The following ZNF500 variants were observed in gnomAD, a reference collection of about 807,000 sequenced individuals.
ZNF500 encodes the protein zinc finger protein with KRAB and SCAN domains 18.
In ZNF500, 31 loss-of-function variants were observed where a neutral mutation model predicts 30.1. The ratio of observed to expected loss-of-function variants is 1.03; its 90% confidence interval spans 0.77 to 1.39. ZNF500 has a LOEUF of 1.39. ZNF500 is among the 40% of genes most tolerant of loss of function. The probability of loss-of-function intolerance (pLI) is 0.00; values close to 1 mark genes in which losing one functional copy is unlikely to be tolerated. For missense variants in ZNF500, 817 were observed against 657.8 expected (o/e 1.24, Z -2.65); for synonymous variants, 392 against 282.0 (o/e 1.39, Z -3.91).
chr16:4,755,395 T>C (rs1041105761), intron 5 of ZNF500, among the ~76,000 whole-genome samples: 3 of 152,178 alleles, frequency 2.0e-5, no homozygotes, highest in Non-Finnish European at 4.4e-5. Context: ...CCGCTCACTG[T>C]AACCTCTGCC....
Position 4,752,897 on chromosome 16 carries a change from T to C in ZNF500, c.922A>G (p.Arg308Gly), listed in dbSNP as rs2082099728. 6.2e-7 allele frequency: 1 copy of C among 1,614,048 alleles called. No individual in the cohort carries two copies. The highest frequency in any genetic ancestry group is 8.5e-7 in the Non-Finnish European group (1 of 1,180,030). Reference sequence around the variant, plus strand: ...CGTCTTCCTGGTGGGGGGCCGCCTCTTGGCTGATCAGGCCTGACCAAGCCC... The same window carrying C: ...CGTCTTCCTGGTGGGGGGCCGCCTCCTGGCTGATCAGGCCTGACCAAGCCC... Reference protein sequence around the residue: ...VRGLVRPDQPRGGPPPGRRAS... With the variant: ...VRGLVRPDQPGGGPPPGRRAS... Residue 308 changes from arginine to glycine, a missense_variant, in exon 6 of 6, where the codon AGA (arginine) becomes GGA (glycine). By Grantham distance (125) the Arg-to-Gly change is moderately radical (BLOSUM62 -2). Coordinates refer to ENST00000219478, the MANE Select transcript of ZNF500 (RefSeq NM_021646.4).
At position 4,751,844 on chromosome 16, in the gene ZNF500, G is replaced by A. The variant is rs540813270; in HGVS notation, c.*532C>T. ...GAACACTTGAGCCCAGGGATTCGAGGCTGCAGTGAGCTATGATCATGGCAC... is the reference window on the plus strand; with the variant it reads ...GAACACTTGAGCCCAGGGATTCGAGACTGCAGTGAGCTATGATCATGGCAC... On this transcript the variant is annotated 3_prime_UTR_variant, in exon 6 of 6. Coordinates refer to ENST00000219478, the MANE Select transcript of ZNF500 (RefSeq NM_021646.4). 1,388 of 527,034 alleles carry A rather than the reference G, an allele frequency of 2.6e-3. 22 individuals are homozygous for A. The highest frequency in any genetic ancestry group is 0.013 in the Middle Eastern group (23 of 1,800). 32.6% of individuals were successfully genotyped at this position (527,034 alleles called of 1,614,324 possible). A position where few individuals can be genotyped will look rare whatever the true frequency, so the allele number is the denominator to read the frequency against.
intron 4 of ZNF500, 48 bp from the exon 5 acceptor site, chr16:4,760,636 C>T (rs747548649): frequency 1.3e-6 from 2 of 1,562,106 alleles, no homozygotes; most frequent in Non-Finnish European, 8.8e-7. Flanking sequence ...AAGCTGCCTC[C>T]TCCCCAACTA....
intron 4 of ZNF500, 52 bp from the exon 5 acceptor site, chr16:4,760,640 C>T (rs748931849): frequency 6.5e-7 from 1 of 1,532,800 alleles, no homozygotes; most frequent in Non-Finnish European, 9.0e-7. Flanking sequence ...TGCCTCCTCC[C>T]CAACTAAGGC....
In ZNF500 at chr16:4,751,290, G is replaced by C. The variant is rs1426799757; in HGVS notation, c.*1086C>G. On this transcript the variant is annotated 3_prime_UTR_variant, in exon 6 of 6. Transcript: ENST00000219478. ...GCCAGACAAAAGCTGGAAGGTGAAG[G>C]CTTCTTACCTTAGAAAGACAAAGTG... 1 of 387,638 alleles carries C rather than the reference G, an allele frequency of 2.6e-6. No homozygotes were observed. The highest frequency in any genetic ancestry group is 4.7e-6 in the Non-Finnish European group (1 of 211,674). 24.0% of individuals were successfully genotyped at this position (387,638 alleles called of 1,614,324 possible). A position where few individuals can be genotyped will look rare whatever the true frequency, so the allele number is the denominator to read the frequency against.
intron 5 of ZNF500, among the ~76,000 whole-genome samples, chr16:4,756,103 G>A (rs73511091): frequency 0.02 from 3,096 of 152,290 alleles, 115 homozygotes; most frequent in African/African-American, 0.071. Context: ...GCATGATAAA[G>A]AATGTTTTTG....
chr16:4,763,375 G>C (rs2082228715), intron 2 of ZNF500, among the ~76,000 whole-genome samples: 3 of 150,970 alleles, frequency 2.0e-5, no homozygotes, highest in Admixed American at 2.0e-4. Context: ...CTCCAGCCTG[G>C]GCAAAAGAGC....
In ZNF500 at chr16:4,751,758, A is replaced by T. The variant is rs972493693; in HGVS notation, c.*618T>A. The T allele has an allele frequency of 3.0e-6, 3 of 986,870 alleles. No homozygotes were observed. Among genetic ancestry groups the T allele is most frequent in the Non-Finnish European group, 4.6e-6 (3 of 652,766 alleles). 61.1% of individuals were successfully genotyped at this position (986,870 alleles called of 1,614,324 possible). The stretch of plus-strand genomic sequence containing the variant: ...CAGTGAGTGGTGGCCCTACCAAAAA[A>T]GAGACTGGGCATGGCGGCACACACC... On this transcript the variant is annotated 3_prime_UTR_variant, in exon 6 of 6. Transcript: ENST00000219478.
At chr16:4,753,159 C>A in intron 5 of ZNF500, 101 bp from the exon 6 acceptor site, 2 of 1,451,306 alleles carry the variant, frequency 1.4e-6, no homozygotes, top group East Asian at 2.4e-5. Flanking sequence ...CTAAGGTTCC[C>A]CTACAAAACA....
intron 5 of ZNF500, among the ~76,000 whole-genome samples, chr16:4,759,036 C>T (rs1164208128): frequency 1.3e-5 from 2 of 151,856 alleles, no homozygotes; most frequent in South Asian, 2.1e-4. Flanking sequence ...ATGGCAAAAC[C>T]CAGCTCTACT....
In ZNF500 at chr16:4,752,270, G is replaced by A. The variant is rs2082087953; in HGVS notation, c.*106C>T. ...CTGCTGGCCTCATACTGGGCCATGG[G>A]AGGAAACGGGCAGCTGGCAATGCTT... On this transcript the variant is annotated 3_prime_UTR_variant, in exon 6 of 6. Coordinates refer to ENST00000219478, the MANE Select transcript of ZNF500 (RefSeq NM_021646.4). The A allele has an allele frequency of 7.0e-7, 1 of 1,430,182 alleles. No homozygotes were observed. The highest frequency in any genetic ancestry group is 1.4e-5 in the African/African-American group (1 of 69,714). 88.6% of individuals were successfully genotyped at this position (1,430,182 alleles called of 1,614,324 possible).
At chr16:4,764,826 C>G (rs986874615) in intron 2 of ZNF500, among the ~76,000 whole-genome samples, 3 of 151,306 alleles carry the variant, frequency 2.0e-5, no homozygotes, top group African/African-American at 7.3e-5. Context: ...ATGTACATAG[C>G]TATAATTTAA....
intron 5 of ZNF500, among the ~76,000 whole-genome samples, chr16:4,760,272 CAGA>C (rs1231533170): frequency 1.3e-5 from 2 of 152,044 alleles, no homozygotes; most frequent in Non-Finnish European, 2.9e-5. Flanking sequence ...GGGGCAGAGG[CAGA>C]AGAACAGGAT....
intron 5 of ZNF500, among the ~76,000 whole-genome samples, chr16:4,757,651 G>A (rs146049209): frequency 0.02 from 3,029 of 152,072 alleles, 46 homozygotes; most frequent in Non-Finnish European, 0.031. Context: ...TGCCCAGACT[G>A]GAGTGCAGTG....
chr16:4,758,826 C>T (rs1456450178), intron 5 of ZNF500, among the ~76,000 whole-genome samples: 1 of 152,142 alleles, frequency 6.6e-6, no homozygotes, highest in African/African-American at 2.4e-5. Context: ...AAGAAAAAAA[C>T]GATCAACTGG....
At chr16:4,759,898 G>T (rs1046659049) in intron 5 of ZNF500, among the ~76,000 whole-genome samples, 4 of 152,196 alleles carry the variant, frequency 2.6e-5, no homozygotes, top group African/African-American at 9.7e-5. Flanking sequence ...AATTAGCCAG[G>T]CATGATGGCG....
At chr16:4,758,656 T>A (rs1446994494) in intron 5 of ZNF500, 2 of 151,958 alleles carry the variant, frequency 1.3e-5, no homozygotes, top group African/African-American at 4.8e-5. Context: ...AACCCCAGGG[T>A]CGTGACAACC....
At chr16:4,753,736 C>A (rs568778797) in intron 5 of ZNF500, among the ~76,000 whole-genome samples, 1 of 152,306 alleles carries the variant, frequency 6.6e-6, no homozygotes, top group East Asian at 1.9e-4. Context: ...TGTAAATGGC[C>A]TCTAGTGGGC....
downstream of ZNF500, chr16:4,747,386 T>C: frequency 1.2e-6 from 2 of 1,609,340 alleles, no homozygotes; most frequent in Non-Finnish European, 1.7e-6. Context: ...GCTCAGGGCC[T>C]TTCAGAAGGG....
Sources: allele counts gnomAD v4.1 joint callset (sites outside exome capture counted in the v4.1 genomes callset), GRCh38; gene constraint gnomAD v4.1.1; transcripts MANE v1.5; gene names NCBI Gene and HGNC (gene_info 2026-07-23, HGNC 2026-07-21).